ACACB: variants seen among roughly 807,000 people sequenced by gnomAD.
ACACB encodes the protein acetyl-CoA carboxylase beta.
In ACACB, 209 loss-of-function variants were observed where a neutral mutation model predicts 278.8. That is an observed-to-expected ratio of 0.75 (90% CI 0.67 to 0.84). The LOEUF (loss-of-function observed/expected upper bound fraction) is 0.84. Ranked by LOEUF, ACACB falls within the 40% of genes least tolerant of loss-of-function variation. The pLI, the probability that ACACB is intolerant of heterozygous loss-of-function variation, is 0.00. For synonymous variants in ACACB, 1,174 were observed against 1,285.6 expected (o/e 0.91, Z 1.86); for missense variants, 2,850 against 3,269.0 (o/e 0.87, Z 3.13).
In ACACB at chr12:109,199,429, G is replaced by T. The variant is rs73398054; in HGVS notation, c.2655G>T (p.Thr885=). 2,077 of 1,537,892 alleles carry T rather than the reference G, an allele frequency of 1.4e-3. 17 individuals carry two copies. The African/African-American group carries it at 0.022, about 16-fold the overall frequency. ...DSYRITIGNK[T]CVFEKENDPT... ...ACCGAATTACCATCGGCAATAAGAC[G>T]TGTGTGTTTGAGAAGGAGAACGATC... The change falls in exon 18 of 53, where the codon ACG becomes ACT. Residue 885 remains threonine (T), a synonymous_variant. Coordinates refer to ENST00000338432, the MANE Select transcript of ACACB (RefSeq NM_001093.4).
At chr12:109,256,055 A>T in intron 44 of ACACB, 85 bp from the exon 45 acceptor site, 1 of 1,017,904 alleles carries the variant, frequency 9.8e-7, no homozygotes, top group Non-Finnish European at 1.5e-6. Flanking sequence ...GGCTGTCCTT[A>T]GGGAGCTTTT....
rs751851853 is a variant in ACACB at position 109,247,592 on chromosome 12, AAG to A, written c.5572-13_5572-12del. The A allele has an allele frequency of 3.7e-6, 6 of 1,602,960 alleles. No homozygotes were observed. The South Asian group carries it at 6.6e-5, about 18-fold the overall frequency. On this transcript the variant is annotated splice_polypyrimidine_tract_variant and intron_variant, in intron 39 of 52. Coordinates refer to ENST00000338432, the MANE Select transcript of ACACB (RefSeq NM_001093.4). ...GGGAACTGGATTCGTAGCCTCACTAAAGTATTTTTTAAGGGATTTAAATACCT... is the reference window on the plus strand; with the variant it reads ...GGGAACTGGATTCGTAGCCTCACTAATATTTTTTAAGGGATTTAAATACCT...
chr12:109,142,991 A>G (rs530595978), intron 2 of ACACB, among the ~76,000 whole-genome samples: 4 of 152,282 alleles, frequency 2.6e-5, no homozygotes, highest in Admixed American at 2.6e-4. Context: ...TGTCCCAGCA[A>G]ACAGCTGGCA....
At chr12:109,162,969 G>A (rs1429001833) in intron 2 of ACACB, among the ~76,000 whole-genome samples, 3 of 152,112 alleles carry the variant, frequency 2.0e-5, no homozygotes, top group Admixed American at 6.6e-5. Flanking sequence ...TGTTGCCCAG[G>A]CTGGAGTGTA....
intron 48 of ACACB, 70 bp from the exon 49 acceptor site, chr12:109,262,287 C>T (rs766807547): frequency 4.8e-6 from 6 of 1,255,330 alleles, no homozygotes; most frequent in East Asian, 2.3e-5. Context: ...CCAGCTCCCC[C>T]CACATCCATT....
intron 1 of ACACB, among the ~76,000 whole-genome samples, chr12:109,127,778 G>A (rs2042717311): frequency 6.6e-6 from 1 of 152,172 alleles, no homozygotes; most frequent in Non-Finnish European, 1.5e-5. Context: ...TGCAGGGGAA[G>A]GCGAAGTTCT....
chr12:109,265,156 T>A lies in ACACB; in HGVS notation c.6989T>A (p.Leu2330Gln). 6.2e-7 allele frequency: 1 copy of A among 1,613,712 alleles called. No homozygotes were observed. The highest frequency in any genetic ancestry group is 2.2e-5 in the East Asian group (1 of 44,878). The change falls in exon 51 of 53, where the codon CTG becomes CAG. Residue 2330 changes from leucine (L) to glutamine (Q), a missense_variant. Leu to Gln is a moderately radical substitution (Grantham distance 113, BLOSUM62 -2). Coordinates refer to ENST00000338432, the MANE Select transcript of ACACB (RefSeq NM_001093.4). ...KTARTFLYWR[L>Q]RRLLLEDQVK... Reference sequence around the variant, plus strand: ...GCACGCACCTTCCTGTATTGGCGTCTGCGCCGCCTCCTCCTGGAGGACCAG... The same window carrying A: ...GCACGCACCTTCCTGTATTGGCGTCAGCGCCGCCTCCTCCTGGAGGACCAG...
Position 109,209,179 on chromosome 12 carries a change from G to A in ACACB, c.3075G>A (p.Val1025=). The A allele has an allele frequency of 6.2e-7, 1 of 1,602,434 alleles. No individual in the cohort carries two copies. Among genetic ancestry groups the A allele is most frequent in the Non-Finnish European group, 8.5e-7 (1 of 1,175,544 alleles). ...CCCCGCTTCAGCTGAAGGAGTGGGT[G>A]CAGAAGCTCATGATGACCCTCCGGC... ...PVFSIKLKEW[V]QKLMMTLRHP... Residue 1025 remains valine, a synonymous_variant, in exon 21 of 53, where the codon GTG becomes GTA. Transcript: ENST00000338432.
rs773666938 is a variant in ACACB at position 109,188,105 on chromosome 12, C to T, written c.2087C>T (p.Ala696Val). The T allele has an allele frequency of 1.2e-5, 20 of 1,612,824 alleles. No individual in the cohort carries two copies. The highest frequency in any genetic ancestry group is 9.3e-5 in the African/African-American group (7 of 74,910). Residue 696 changes from alanine to valine, a missense_variant, in exon 13 of 53, where the codon GCG becomes GTG. By Grantham distance (64) the Ala-to-Val change is moderately conservative. Coordinates refer to ENST00000338432, the MANE Select transcript of ACACB (RefSeq NM_001093.4). Reference sequence around the variant, plus strand: ...GCTACTGGAGGCCTGCACGAGTTTGCGGATTCCCAATTTGGGCACTGCTTC... The same window carrying T: ...GCTACTGGAGGCCTGCACGAGTTTGTGGATTCCCAATTTGGGCACTGCTTC... ...VAATGGLHEF[A>V]DSQFGHCFSW...
At chr12:109,128,685 CA>C (rs2042745271) in intron 1 of ACACB, among the ~76,000 whole-genome samples, 1 of 151,624 alleles carries the variant, frequency 6.6e-6, no homozygotes, top group African/African-American at 2.4e-5. Flanking sequence ...TTGGGCAGAA[CA>C]TAGCTATCTC....
intron 16 of ACACB, among the ~76,000 whole-genome samples, chr12:109,195,811 C>A (rs1370052123): frequency 6.6e-6 from 1 of 152,086 alleles, no homozygotes; most frequent in African/African-American, 2.4e-5. Context: ...TCCCTATCTT[C>A]TGTGTCCAAG....
chr12:109,116,697 A>G lies in ACACB; in HGVS notation c.-17A>G, dbSNP rs1363637625. 2 of 152,288 alleles carry G rather than the reference A, an allele frequency of 1.3e-5. No homozygotes were observed. The highest frequency in any genetic ancestry group is 2.9e-5 in the Non-Finnish European group (2 of 68,118). The allele number at this position is 152,288 out of a possible 1,614,324, so 9.4% of individuals were successfully genotyped here. ...ACATGGCAAGAGAAAAGCGGCAGGA[A>G]TAAAGTGGTAAGTCAGCTCGCCCCT... On this transcript the variant is annotated 5_prime_UTR_variant, in exon 1 of 53. Transcript: ENST00000338432.
chr12:109,139,977 GCA>G lies in ACACB; in HGVS notation c.573_574del (p.Ser192ProfsTer17), dbSNP rs2043062167. 4.3e-6 allele frequency: 7 copies of G among 1,613,568 alleles called. No individual in the cohort carries two copies. Among genetic ancestry groups the G allele is most frequent in the Middle Eastern group, 3.3e-4 (2 of 6,080 alleles). ...TCATCTCGTGAGTCTACCCGGAAGG[GCA>G]GCCGGGCCAGCTTGGGGGCCCTGTC... On this transcript the variant is annotated frameshift_variant, in exon 2 of 53. Coordinates refer to ENST00000338432, the MANE Select transcript of ACACB (RefSeq NM_001093.4). LOFTEE classifies it high-confidence loss of function.
intron 29 of ACACB, among the ~76,000 whole-genome samples, chr12:109,233,108 A>G (rs1039258551): frequency 6.6e-6 from 1 of 152,186 alleles, no homozygotes; most frequent in Non-Finnish European, 1.5e-5. Context: ...TAAGAGACTG[A>G]GCAAAATATT....
At position 109,216,709 on chromosome 12, in the gene ACACB, A is replaced by G. The variant is rs2046010204; in HGVS notation, c.3439+3A>G. 4 of 1,614,068 alleles carry G rather than the reference A, an allele frequency of 2.5e-6. No homozygotes were observed. The highest frequency in any genetic ancestry group is 1.6e-4 in the Middle Eastern group (1 of 6,082). ...TGTTGAGCACCATTTTCAGCAAGGCAAGAGATGCTGATGCCAACACCAGTG... is the reference window on the plus strand; with the variant it reads ...TGTTGAGCACCATTTTCAGCAAGGCGAGAGATGCTGATGCCAACACCAGTG... On this transcript the variant is annotated splice_donor_region_variant and intron_variant, in intron 23 of 52. Transcript: ENST00000338432.
At chr12:109,266,200 G>A (rs756158788) in intron 52 of ACACB, 36 bp from the exon 53 acceptor site, 16 of 1,601,298 alleles carry the variant, frequency 1.0e-5, no homozygotes, top group African/African-American at 1.3e-5. Context: ...AAAAGTGGCT[G>A]GAGTGATCCC....
chr12:109,166,285 G>T (rs1217423850), intron 2 of ACACB, among the ~76,000 whole-genome samples: 1 of 152,056 alleles, frequency 6.6e-6, no homozygotes, highest in Non-Finnish European at 1.5e-5. Context: ...TAAACAATGG[G>T]CATGTAAAGT....
At chr12:109,146,227 G>T (rs2043240501) in intron 2 of ACACB, among the ~76,000 whole-genome samples, 1 of 152,184 alleles carries the variant, frequency 6.6e-6, no homozygotes, top group African/African-American at 2.4e-5. Flanking sequence ...TGAGGGTTCT[G>T]ACTCACGTGG....
At chr12:109,163,561 A>C (rs1321214538) in intron 2 of ACACB, among the ~76,000 whole-genome samples, 2 of 152,230 alleles carry the variant, frequency 1.3e-5, no homozygotes, top group African/African-American at 4.8e-5. Flanking sequence ...AGGCCAGTGT[A>C]GGAATTTCAA....
Sources: gnomAD v4.1 joint callset for allele counts (sites outside exome capture counted in the v4.1 genomes callset) on GRCh38, gnomAD v4.1.1 for gene constraint, MANE v1.5 for transcripts, NCBI Gene and HGNC (gene_info 2026-07-23, HGNC 2026-07-21) for gene names.